TET3: variants seen among roughly 807,000 people sequenced by gnomAD.
The protein encoded by TET3 is methylcytosine dioxygenase TET3.
TET3 carries 19 observed loss-of-function variants against 141.4 expected under a neutral mutation model. That is an observed-to-expected ratio of 0.13 (90% confidence interval 0.09 to 0.20). The LOEUF (loss-of-function observed/expected upper bound fraction) is 0.20, where lower values mean the gene tolerates loss of function less well. TET3 is among the 10% of genes least tolerant of loss of function. The pLI is 1.00. For synonymous variants in TET3, 1,043 were observed against 980.9 expected, an observed-to-expected ratio of 1.06 and a Z score of -1.18; for missense variants, 1,874 against 2,356.9, an observed-to-expected ratio of 0.80 and a Z score of 4.24.
Position 74,106,284 on chromosome 2 carries a change from T to TC in TET3, c.*4110dup, listed in dbSNP as rs1262470405. 2.0e-5 allele frequency: 3 copies of TC among 152,252 alleles called. No individual in the cohort carries two copies. The highest frequency in any genetic ancestry group is 4.4e-5 in the Non-Finnish European group (3 of 68,060). 9.4% of individuals were successfully genotyped at this position (152,252 alleles called of 1,614,324 possible). On this transcript the variant is annotated 3_prime_UTR_variant, in exon 12 of 12. Transcript: ENST00000409262. Reference sequence around the variant, plus strand: ...CCTGGCTTGGCAGGTGCTTTTTGGTTCCACACCTGTCTTCTCAGGCTTGAT... The same window carrying TC: ...CCTGGCTTGGCAGGTGCTTTTTGGTTCCCACACCTGTCTTCTCAGGCTTGAT...
At chr2:74,090,191 A>G in intron 8 of TET3, 144 bp downstream of exon 8, 1 of 1,302,696 alleles carries the variant, frequency 7.7e-7, no homozygotes, top group East Asian at 2.4e-5. Context: ...AGCTGACCTT[A>G]TCTTGCTGTG....
chr2:73,988,933 T>C (rs1444201768), intron 2 of TET3, among the ~76,000 whole-genome samples: 4 of 149,564 alleles, frequency 2.7e-5, no homozygotes, highest in South Asian at 4.3e-4. Context: ...TTTTTTTAAG[T>C]CTTAGCTTGG....
chr2:74,028,591 C>T (rs1686506264), intron 3 of TET3, among the ~76,000 whole-genome samples: 1 of 152,122 alleles, frequency 6.6e-6, no homozygotes, highest in African/African-American at 2.4e-5. Context: ...AGTGTCTTCT[C>T]ACTGTTTTGT....
chr2:74,086,791 TAAA>T (rs33942081), intron 6 of TET3, among the ~76,000 whole-genome samples: 16 of 94,036 alleles, frequency 1.7e-4, no homozygotes, highest in Admixed American at 6.0e-4. Context: ...ACCCTGACTC[TAAA>T]AAAAAAAAAA....
chr2:74,128,407 C>G, the TET3 span, among the ~76,000 whole-genome samples: 1 of 152,190 alleles, frequency 6.6e-6, no homozygotes, highest in East Asian at 1.9e-4. Context: ...ACTGCCACCG[C>G]CAGGAGGAGC....
intron 3 of TET3, among the ~76,000 whole-genome samples, chr2:74,019,168 G>A (rs1401710468): frequency 6.6e-6 from 1 of 152,214 alleles, no homozygotes; most frequent in Non-Finnish European, 1.5e-5. Context: ...GATGTGGGAG[G>A]ATCGCTGTAG....
In TET3 at chr2:74,106,412, C is replaced by G. The variant is rs1289946004; in HGVS notation, c.*4236C>G. ...TGATAGGCATTCTCATAGCCAGGGA[C>G]AGATTTTCTCCTGCAGCCCAGGGTG... On this transcript the variant is annotated 3_prime_UTR_variant, in exon 12 of 12. Transcript: ENST00000409262. 6.5e-6 allele frequency: 1 copy of G among 153,714 alleles called. No homozygotes were observed. Among genetic ancestry groups the G allele is most frequent in the Non-Finnish European group, 1.5e-5 (1 of 68,044 alleles). 9.5% of individuals were successfully genotyped at this position (153,714 alleles called of 1,614,324 possible).
chr2:74,132,971 C>T, the TET3 span, among the ~76,000 whole-genome samples: 1 of 151,922 alleles, frequency 6.6e-6, no homozygotes, highest in Non-Finnish European at 1.5e-5. Context: ...GATCTTGGCT[C>T]ACTGAAGCCT....
chr2:74,134,504 C>G, the TET3 span: 1 of 324,254 alleles, frequency 3.1e-6, no homozygotes, highest in Non-Finnish European at 6.2e-6. Context: ...GTCCTCATTT[C>G]TTAGGGAGGT....
In TET3 at chr2:74,016,889, C is replaced by A. The variant is rs1385156655; in HGVS notation, c.360+13723C>A. Among the ~76,000 whole-genome samples, 3 of 145,720 alleles carry A rather than the reference C, an allele frequency of 2.1e-5. No homozygotes were observed. The Admixed American group carries it at 2.1e-4, about 10-fold the overall frequency. On this transcript the variant is annotated intron_variant, in intron 3 of 11. Coordinates refer to ENST00000409262, the MANE Select transcript of TET3 (RefSeq NM_001287491.2). ...TCAATGCATGTATATAATGTATAAT[C>A]ATTAAATCAGGGTAATGAGAATATC...
At chr2:74,089,758 G>A in intron 7 of TET3, 139 bp from the exon 8 acceptor site, 1 of 1,138,796 alleles carries the variant, frequency 8.8e-7, no homozygotes, top group South Asian at 1.5e-5. Flanking sequence ...AAGGGGTTGG[G>A]GGTGGGGAAG....
chr2:74,048,508 T>C, intron 4 of TET3, 97 bp downstream of exon 4: 1 of 1,279,440 alleles, frequency 7.8e-7, no homozygotes, highest in Non-Finnish European at 1.1e-6. Context: ...AAACATTTAT[T>C]TGTGCCAACT....
intron 5 of TET3, among the ~76,000 whole-genome samples, chr2:74,077,441 G>C (rs190827948): frequency 2.0e-5 from 3 of 152,302 alleles, no homozygotes; most frequent in East Asian, 3.9e-4. Context: ...TGTATGATTA[G>C]TTATCCTTTA....
chr2:73,999,492 G>C (rs1379926224), intron 2 of TET3, among the ~76,000 whole-genome samples: 1 of 152,060 alleles, frequency 6.6e-6, no homozygotes, highest in East Asian at 1.9e-4. Flanking sequence ...GTGTTCCTTC[G>C]TCTTTGAATA....
chr2:74,042,942 G>A (rs1435972897), intron 3 of TET3, among the ~76,000 whole-genome samples: 4 of 152,030 alleles, frequency 2.6e-5, no homozygotes, highest in South Asian at 2.1e-4. Flanking sequence ...TTTTTGGTCC[G>A]AGGAGCATTT....
At chr2:74,050,465 T>C (rs1382474573) in intron 4 of TET3, among the ~76,000 whole-genome samples, 1 of 152,230 alleles carries the variant, frequency 6.6e-6, no homozygotes, top group Non-Finnish European at 1.5e-5. Flanking sequence ...GTTCCTTTAG[T>C]TACCATATAT....
At chr2:74,129,316 C>CAAAAAAAAAAAAAAA in the TET3 span, among the ~76,000 whole-genome samples, 1 of 51,292 alleles carries the variant, frequency 1.9e-5, no homozygotes, top group Non-Finnish European at 3.4e-5. Context: ...AACTCCGTCT[C>CAAAAAAAAAAAAAAA]AAAAAAAAAA....
chr2:74,050,176 A>G (rs1687872180), intron 4 of TET3, among the ~76,000 whole-genome samples: 1 of 152,204 alleles, frequency 6.6e-6, no homozygotes, highest in Non-Finnish European at 1.5e-5. Context: ...TGTGTGGTCA[A>G]ACTAGTTTTT....
intron 5 of TET3, among the ~76,000 whole-genome samples, chr2:74,078,942 G>A (rs1205589511): frequency 3.3e-5 from 5 of 152,204 alleles, no homozygotes; most frequent in Non-Finnish European, 7.3e-5. Flanking sequence ...ACCCTTCAAA[G>A]TAAGGAAATC....
Sources: gnomAD v4.1 joint callset for allele counts (sites outside exome capture counted in the v4.1 genomes callset) on GRCh38, gnomAD v4.1.1 for gene constraint, MANE v1.5 for transcripts, NCBI Gene and HGNC (gene_info 2026-07-23, HGNC 2026-07-21) for gene names.